The following EP400 variants were observed in gnomAD, a reference collection of about 807,000 sequenced individuals.
EP400 encodes the protein E1A binding protein p400.
Under a neutral mutation model 354.1 loss-of-function variants are expected in EP400, and 105 were observed. The observed-to-expected ratio is 0.30, with a 90% confidence interval of 0.25 to 0.35. The LOEUF is 0.35. Among genes scored for constraint, EP400 ranks in the 10% least tolerant of loss-of-function variants. The probability of loss-of-function intolerance (pLI) is 1.00; values close to 1 mark genes in which losing one functional copy is unlikely to be tolerated. For synonymous variants in EP400, 1,646 were observed against 1,716.9 expected, an observed-to-expected ratio of 0.96 and a Z score of 1.02; for missense variants, 3,280 against 4,121.0, an observed-to-expected ratio of 0.80 and a Z score of 5.59.
intron 21 of EP400, 30 bp from the exon 22 acceptor site, chr12:132,020,019 A>G: frequency 1.3e-6 from 2 of 1,491,774 alleles, no homozygotes; most frequent in Non-Finnish European, 1.8e-6. Context: ...GATGCTCTGT[A>G]TCTTCTTGCC....
At chr12:131,973,988 ATTT>A (rs57974341) in intron 2 of EP400, among the ~76,000 whole-genome samples, 3 of 128,716 alleles carry the variant, frequency 2.3e-5, no homozygotes, top group Non-Finnish European at 1.7e-5. Context: ...ATGTGTTTGT[ATTT>A]TTTTTTTTTT....
intron 12 of EP400, among the ~76,000 whole-genome samples, chr12:132,003,246 A>G (rs2136520127): frequency 6.6e-6 from 1 of 152,000 alleles, no homozygotes; most frequent in East Asian, 1.9e-4. Flanking sequence ...ATAAGCCAAA[A>G]TAACAGTACA....
intron 30 of EP400, among the ~76,000 whole-genome samples, chr12:132,035,490 C>T (rs1298824811): frequency 1.3e-5 from 2 of 152,182 alleles, no homozygotes; most frequent in African/African-American, 2.4e-5. Context: ...CGGTTGTGCA[C>T]GAAGTGACGG....
Position 132,052,610 on chromosome 12 carries a change from G to A in EP400, c.7395-536G>A, listed in dbSNP as rs1460990092. The stretch of plus-strand genomic sequence containing the variant: ...GTCGTCTGATGTGAGTGCTGTGATC[G>A]CTGGGACTCTAGCGTCTGGGAGCAC... On this transcript the variant is annotated intron_variant, in intron 41 of 52. Transcript: ENST00000389561. The surrounding 1 kb of genome is among the most constrained non-coding windows in gnomAD (Gnocchi z 4.4). Among the ~76,000 whole-genome samples the A allele has an allele frequency of 2.6e-5, 4 of 152,218 alleles. No homozygotes were observed. The highest frequency in any genetic ancestry group is 4.8e-5 in the African/African-American group (2 of 41,464).
Position 131,990,148 on chromosome 12 carries a change from G to A in EP400, c.2550+44G>A, listed in dbSNP as rs199509215. The A allele has an allele frequency of 8.9e-5, 139 of 1,566,312 alleles. No homozygotes were observed. The highest frequency in any genetic ancestry group is 1.1e-4 in the Non-Finnish European group (126 of 1,161,484). On this transcript the variant is annotated intron_variant, in intron 8 of 52. Transcript: ENST00000389561. The surrounding 1 kb of genome is among the most constrained non-coding windows in gnomAD (Gnocchi z 4.2). ...ATGGGGTCGTAAGAATCAGTCTGTCGGAGCTGGTGAGGCCACTTCCCGAGA... is the reference window on the plus strand; with the variant it reads ...ATGGGGTCGTAAGAATCAGTCTGTCAGAGCTGGTGAGGCCACTTCCCGAGA...
intron 30 of EP400, among the ~76,000 whole-genome samples, chr12:132,036,813 G>A (rs1340283908): frequency 6.6e-6 from 1 of 152,220 alleles, no homozygotes; most frequent in Non-Finnish European, 1.5e-5. Flanking sequence ...GTCTTCCCAG[G>A]TGGTGGTTTG....
rs1263059975 is a variant in EP400, at chr12:132,057,827, T to G, written c.7884+2619T>G. ...AGGGTACCAAGCCAGAATCACTGCATTTAGCGTTTTATTTTGAAAAAGACC... is the reference window on the plus strand; with the variant it reads ...AGGGTACCAAGCCAGAATCACTGCAGTTAGCGTTTTATTTTGAAAAAGACC... On this transcript the variant is annotated intron_variant, in intron 45 of 52. Transcript: ENST00000389561. Among the ~76,000 whole-genome samples, 3 of 152,342 alleles carry G rather than the reference T, an allele frequency of 2.0e-5. No individual in the cohort carries two copies. The East Asian group carries it at 5.8e-4, about 29-fold the overall frequency.
chr12:131,958,987 C>G (rs993784447), intron 1 of EP400, among the ~76,000 whole-genome samples: 18 of 152,208 alleles, frequency 1.2e-4, no homozygotes, highest in Non-Finnish European at 2.2e-4. Flanking sequence ...GAAGGCACCT[C>G]AAGAAGACAG....
In EP400 at chr12:132,029,403, G is replaced by A. The variant is rs1288799024; in HGVS notation, c.5382-298G>A. On this transcript the variant is annotated intron_variant, in intron 27 of 52. Coordinates refer to ENST00000389561, the MANE Select transcript of EP400 (RefSeq NM_015409.5). The surrounding 1 kb of genome is among the most constrained non-coding windows in gnomAD (Gnocchi z 4.7). ...TCCAGCTGAAGACACACTAGAAAGA[G>A]AATGGCTTATCTCTGACCTGGTGCC... 2 of 472,768 alleles carry A rather than the reference G, an allele frequency of 4.2e-6. No homozygotes were observed. The highest frequency in any genetic ancestry group is 3.5e-5 in the South Asian group (1 of 28,974). The allele number at this position is 472,768 out of a possible 1,614,324, so 29.3% of individuals were successfully genotyped here.
chr12:132,022,115 C>A (rs893134481), intron 23 of EP400, among the ~76,000 whole-genome samples: 6 of 152,218 alleles, frequency 3.9e-5, no homozygotes, highest in African/African-American at 1.4e-4. Context: ...AAGTCTCTCT[C>A]TCCCATTGCC....
intron 29 of EP400, among the ~76,000 whole-genome samples, chr12:132,030,927 C>A (rs974904157): frequency 6.6e-6 from 1 of 152,174 alleles, no homozygotes; most frequent in Non-Finnish European, 1.5e-5. Flanking sequence ...CCCAGTGTCC[C>A]CCAGCGCAAA....
Position 132,050,403 on chromosome 12 carries a change from C to A in EP400, c.7281C>A (p.Ser2427Arg), listed in dbSNP as rs747568497. 1.3e-5 allele frequency: 21 copies of A among 1,614,160 alleles called. No individual in the cohort carries two copies. Among genetic ancestry groups the A allele is most frequent in the Non-Finnish European group, 1.8e-5 (21 of 1,180,050 alleles). ...ENATHTQLYT[S>R]HFDLMKMTAG... The stretch of plus-strand genomic sequence containing the variant: ...CCACACACACCCAGCTGTACACGAG[C>A]CACTTTGACTTAATGAAAATGACTG... Residue 2427 changes from serine to arginine, a missense_variant, in exon 40 of 53, where the codon AGC becomes AGA. Ser to Arg is a moderately radical substitution (Grantham distance 110, BLOSUM62 -1). Coordinates refer to ENST00000389561, the MANE Select transcript of EP400 (RefSeq NM_015409.5). This position sits in a 1 kb window ranked among gnomAD's most constrained non-coding sequence, Gnocchi z 4.8.
intron 2 of EP400, among the ~76,000 whole-genome samples, chr12:131,967,767 G>A (rs898374122): frequency 2.0e-5 from 3 of 151,500 alleles, no homozygotes; most frequent in African/African-American, 7.3e-5. Flanking sequence ...GTTCCCAGTA[G>A]CAATGTATGA....
At position 132,053,462 on chromosome 12, in the gene EP400, G is replaced by A. The variant is rs765720691; in HGVS notation, c.7593G>A (p.Ala2531=). 1.4e-5 allele frequency: 20 copies of A among 1,453,608 alleles called. No homozygotes were observed. Among genetic ancestry groups the A allele is most frequent in the Admixed American group, 6.3e-5 (3 of 47,376 alleles). The allele number at this position is 1,453,608 out of a possible 1,614,324, so 90.0% of individuals were successfully genotyped here. Residue 2531 remains alanine, a synonymous_variant, in exon 43 of 53, where the codon GCG becomes GCA. Coordinates refer to ENST00000389561, the MANE Select transcript of EP400 (RefSeq NM_015409.5). ...PPPPLPQPQA[A]GSQPPAGPPA... ...CACCGCTGCCACAACCACAGGCAGC[G>A]GGCAGCCAGCCGCCAGCAGGGCCAC...
Position 131,982,465 on chromosome 12 carries a change from C to T in EP400, c.1916C>T (p.Ser639Phe), listed in dbSNP as rs1352209605. The change falls in exon 5 of 53, where the codon TCC becomes TTC. Residue 639 changes from serine (S) to phenylalanine (F), a missense_variant. By Grantham distance (155) the Ser-to-Phe change is radical. Transcript: ENST00000389561. ...GTGCAGGTGCAGGCCTCTCAGCTTTCCTCCCTGCCACAGGTATGAGAAAAG... is the reference window on the plus strand; with the variant it reads ...GTGCAGGTGCAGGCCTCTCAGCTTTTCTCCCTGCCACAGGTATGAGAAAAG... ...GKVQVQASQLSSLPQMVASTR... is the reference protein window; with the variant it reads ...GKVQVQASQLFSLPQMVASTR... The T allele has an allele frequency of 6.2e-7, 1 of 1,604,348 alleles. No homozygotes were observed. The highest frequency in any genetic ancestry group is 1.7e-5 in the Admixed American group (1 of 59,080).
chr12:132,011,039 G>A (rs944512951), intron 15 of EP400, among the ~76,000 whole-genome samples: 1 of 152,216 alleles, frequency 6.6e-6, no homozygotes. Flanking sequence ...GGGAAGCAGC[G>A]ATGGACACAA....
At chr12:131,988,016 A>C (rs1254277238) in intron 7 of EP400, 126 bp downstream of exon 7, 25 of 804,620 alleles carry the variant, frequency 3.1e-5, no homozygotes, top group Non-Finnish European at 3.8e-5. Flanking sequence ...TTTCCCCCAG[A>C]CAGGGTCTTG....
rs756853270 is a variant in EP400, at chr12:132,066,878, G to A, written c.8658G>A (p.Pro2886=). ...ALAKPPVVSV[P]AAVVSSPGVT... Reference sequence around the variant, plus strand: ...CGAAGCCTCCGGTGGTGTCCGTCCCGGCAGCTGTGGTCTCCTCACCGGGAG... The same window carrying A: ...CGAAGCCTCCGGTGGTGTCCGTCCCAGCAGCTGTGGTCTCCTCACCGGGAG... The change falls in exon 49 of 53, where the codon CCG becomes CCA. Residue 2886 remains proline, a synonymous_variant. Coordinates refer to ENST00000389561, the MANE Select transcript of EP400 (RefSeq NM_015409.5). The A allele has an allele frequency of 5.6e-6, 9 of 1,613,668 alleles. No homozygotes were observed. Among genetic ancestry groups the A allele is most frequent in the East Asian group, 2.2e-5 (1 of 44,846 alleles).
Position 132,050,826 on chromosome 12 carries a change from A to G in EP400, c.7394+171A>G, listed in dbSNP as rs2136587223. The G allele has an allele frequency of 3.9e-6, 3 of 765,882 alleles. No homozygotes were observed. The highest frequency in any genetic ancestry group is 3.2e-5 in the South Asian group (2 of 61,832). 47.4% of individuals were successfully genotyped at this position (765,882 alleles called of 1,614,324 possible). On this transcript the variant is annotated intron_variant, in intron 41 of 52. Transcript: ENST00000389561. This position sits in a 1 kb window ranked among gnomAD's most constrained non-coding sequence, Gnocchi z 4.8. ...AGAGGTGCTTTTCCTGCCGTGGGCT[A>G]GGGTATGCATAGGACGGCCCCTGCC...
Sources: gnomAD v4.1 joint callset for allele counts (sites outside exome capture counted in the v4.1 genomes callset) on GRCh38, gnomAD v4.1.1 for gene constraint, Gnocchi (gnomAD v3.1) non-coding constraint, MANE v1.5 for transcripts, NCBI Gene and HGNC (gene_info 2026-07-23, HGNC 2026-07-21) for gene names.